Variants in RPGRIP1 observed in about 807,000 individuals in gnomAD.
The protein encoded by RPGRIP1 is X-linked retinitis pigmentosa GTPase regulator-interacting protein 1.
In RPGRIP1, 128 loss-of-function variants were observed where a neutral mutation model predicts 157.9. The observed-to-expected ratio is 0.81, with a 90% confidence interval of 0.70 to 0.94. The LOEUF is 0.94. Ranked by LOEUF, RPGRIP1 falls within the 40% of genes least tolerant of loss-of-function variation. The probability of loss-of-function intolerance (pLI) is 0.00; values close to 1 mark genes in which losing one functional copy is unlikely to be tolerated. For synonymous variants in RPGRIP1, 554 were observed against 571.6 expected (o/e 0.97, Z 0.44); for missense variants, 1,486 against 1,545.8 (o/e 0.96, Z 0.65).
At chr14:21,315,414 G>T (rs1881734389) in intron 10 of RPGRIP1, among the ~76,000 whole-genome samples, 1 of 151,678 alleles carries the variant, frequency 6.6e-6, no homozygotes, top group Admixed American at 6.6e-5. Context: ...GGCTGAGGCA[G>T]GACAATGTCG....
intron 7 of RPGRIP1, among the ~76,000 whole-genome samples, chr14:21,309,653 C>T (rs943326432): frequency 2.6e-5 from 4 of 151,918 alleles, no homozygotes; most frequent in Non-Finnish European, 5.9e-5. Flanking sequence ...CAGGTCTGGT[C>T]ATGAAGGACA....
Position 21,345,237 on chromosome 14 carries a change from G to A in RPGRIP1, c.3617+40G>A, listed in dbSNP as rs754167875. 2.7e-6 allele frequency: 4 copies of A among 1,454,638 alleles called. No homozygotes were observed. In the East Asian group the frequency reaches 6.8e-5, roughly 25 times the overall value. The allele number at this position is 1,454,638 out of a possible 1,614,324, so 90.1% of individuals were successfully genotyped here. A position where few individuals can be genotyped will look rare whatever the true frequency, so the allele number is the denominator to read the frequency against. On this transcript the variant is annotated intron_variant, in intron 23 of 24. Coordinates refer to ENST00000400017, the MANE Select transcript of RPGRIP1 (RefSeq NM_020366.4). ...TCCACTTTGAAACAAAGGAGATATT[G>A]AGACAGAAATTCAAAAGTTTGAGTT...
Position 21,302,774 on chromosome 14 carries a change from G to A in RPGRIP1, c.587+190G>A, listed in dbSNP as rs1175807170. 1.3e-5 allele frequency: 5 copies of A among 370,838 alleles called. No homozygotes were observed. In the Admixed American group the frequency reaches 1.7e-4, roughly 12 times the overall value. The allele number at this position is 370,838 out of a possible 1,614,324, so 23.0% of individuals were successfully genotyped here. A position where few individuals can be genotyped will look rare whatever the true frequency, so the allele number is the denominator to read the frequency against. On this transcript the variant is annotated intron_variant, in intron 5 of 24. Transcript: ENST00000400017. ...AAACAAGCGTCTCTCTGTTCTCTGA[G>A]GAAATGAAAATAAAGGTCCATTTCT...
At position 21,321,350 on chromosome 14, in the gene RPGRIP1, A is replaced by G. The variant is rs1384507929; in HGVS notation, c.1559A>G (p.Glu520Gly). ...CACGCAGAGACCACATTGGAACTAG[A>G]AAAGACCAGGGACATGCTTATTCTG... ...VSHAETTLEL[E>G]KTRDMLILQR... Residue 520 changes from glutamate to glycine, a missense_variant, in exon 13 of 25, where the codon GAA becomes GGA. Physicochemically the swap from Glu to Gly is moderately conservative, Grantham distance 98. Coordinates refer to ENST00000400017, the MANE Select transcript of RPGRIP1 (RefSeq NM_020366.4). 2 of 1,613,934 alleles carry G rather than the reference A, an allele frequency of 1.2e-6. No individual in the cohort carries two copies. Among genetic ancestry groups the G allele is most frequent in the Admixed American group, 1.7e-5 (1 of 60,000 alleles).
chr14:21,294,288 T>G (rs1880666612), intron 2 of RPGRIP1, among the ~76,000 whole-genome samples: 2 of 151,240 alleles, frequency 1.3e-5, no homozygotes, highest in Non-Finnish European at 2.9e-5. Context: ...TGGAGTACAG[T>G]GGCACGATCT....
intron 3 of RPGRIP1, among the ~76,000 whole-genome samples, chr14:21,299,046 G>C (rs998392004): frequency 7.0e-6 from 1 of 143,574 alleles, no homozygotes; most frequent in African/African-American, 2.5e-5. Flanking sequence ...TGGGAGTTTC[G>C]CTCTTGTTGC....
intron 3 of RPGRIP1, among the ~76,000 whole-genome samples, 180 bp downstream of exon 3, chr14:21,294,989 A>G (rs1441423971): frequency 6.6e-6 from 1 of 151,576 alleles, no homozygotes; most frequent in Non-Finnish European, 1.5e-5. Context: ...GATTATAGGC[A>G]TGCGTCACCA....
At chr14:21,309,840 A>AG (rs1168992044) in intron 7 of RPGRIP1, among the ~76,000 whole-genome samples, 1 of 151,710 alleles carries the variant, frequency 6.6e-6, no homozygotes, top group Non-Finnish European at 1.5e-5. Context: ...AATTTAAAAA[A>AG]AAAGTTTGGG....
At chr14:21,349,489 C>T (rs1302993386) in intron 24 of RPGRIP1, among the ~76,000 whole-genome samples, 1 of 149,312 alleles carries the variant, frequency 6.7e-6, no homozygotes, top group Non-Finnish European at 1.5e-5. Context: ...CAACCTCTGC[C>T]TCTTTCTTAA....
Position 21,302,498 on chromosome 14 carries a change from C to T in RPGRIP1, c.501C>T (p.Asp167=). 1.3e-6 allele frequency: 2 copies of T among 1,554,756 alleles called. No individual in the cohort carries two copies. The highest frequency in any genetic ancestry group is 1.7e-6 in the Non-Finnish European group (2 of 1,143,196). The change falls in exon 5 of 25, where the codon GAC becomes GAT. Residue 167 remains aspartate, a synonymous_variant. Coordinates refer to ENST00000400017, the MANE Select transcript of RPGRIP1 (RefSeq NM_020366.4). The part of the protein sequence containing the change: ...VPEKPKRGPR[D]RLSYTAPPSF... ...TGTCTAAACTTTTAGGGCCAAGGGA[C>T]AGGCTGAGCTACACAGCCCCTCCAT...
chr14:21,328,332 T>A (rs140668097), intron 18 of RPGRIP1, 92 bp from the exon 19 acceptor site: 10 of 883,374 alleles, frequency 1.1e-5, no homozygotes, highest in Admixed American at 5.0e-5. Flanking sequence ...AGGAGAGAAA[T>A]GAAGTCTAAC....
At chr14:21,332,461 G>A (rs1384452965) in intron 20 of RPGRIP1, among the ~76,000 whole-genome samples, 2 of 152,092 alleles carry the variant, frequency 1.3e-5, no homozygotes, top group Non-Finnish European at 2.9e-5. Context: ...GGTTATAAGA[G>A]AACAATTCCA....
At chr14:21,340,516 A>G (rs1216481796) in intron 21 of RPGRIP1, among the ~76,000 whole-genome samples, 1 of 152,168 alleles carries the variant, frequency 6.6e-6, no homozygotes, top group Non-Finnish European at 1.5e-5. Context: ...TTAGTCGGGC[A>G]TGGTGGCACA....
intron 1 of RPGRIP1, among the ~76,000 whole-genome samples, chr14:21,280,997 T>G (rs558614300): frequency 4.0e-4 from 61 of 151,802 alleles, no homozygotes; most frequent in African/African-American, 1.4e-3. Flanking sequence ...ATAGAGAGAG[T>G]GGAAAATGGC....
At chr14:21,315,800 A>ATTTTTT (rs1296019158) in intron 10 of RPGRIP1, among the ~76,000 whole-genome samples, 1 of 143,806 alleles carries the variant, frequency 7.0e-6, no homozygotes, top group African/African-American at 2.6e-5. Flanking sequence ...TATTATTATT[A>ATTTTTT]TTATTATTTT....
In RPGRIP1 at chr14:21,316,885, C is replaced by T. The variant is rs11620900; in HGVS notation, c.1152-811C>T. Among the ~76,000 whole-genome samples, 38 of 151,808 alleles carry T rather than the reference C, an allele frequency of 2.5e-4. 1 individual carries two copies. Among genetic ancestry groups the T allele is most frequent in the African/African-American group, 7.5e-4 (31 of 41,394 alleles). The stretch of plus-strand genomic sequence containing the variant: ...CTATAATCCCAACACTTTGGGAGGC[C>T]GAGGCAGGTGGATCACCTGAGGTCA... On this transcript the variant is annotated intron_variant, in intron 10 of 24. Coordinates refer to ENST00000400017, the MANE Select transcript of RPGRIP1 (RefSeq NM_020366.4).
At chr14:21,342,976 C>A in intron 21 of RPGRIP1, 60 bp from the exon 22 acceptor site, 2 of 1,227,176 alleles carry the variant, frequency 1.6e-6, no homozygotes, top group Non-Finnish European at 2.4e-6. Context: ...AATTGGATGG[C>A]GTATAAGCAC....
chr14:21,336,498 G>A (rs1884378519), intron 21 of RPGRIP1, among the ~76,000 whole-genome samples: 1 of 152,204 alleles, frequency 6.6e-6, no homozygotes, highest in African/African-American at 2.4e-5. Context: ...TCTTGCCACT[G>A]CACTCTAGCT....
intron 1 of RPGRIP1, among the ~76,000 whole-genome samples, chr14:21,280,990 G>T (rs1210794258): frequency 3.3e-5 from 5 of 151,626 alleles, no homozygotes; most frequent in South Asian, 2.1e-4. Context: ...TATATATATA[G>T]AGAGAGTGGA....
Sources: gnomAD v4.1 joint callset for allele counts (sites outside exome capture counted in the v4.1 genomes callset) on GRCh38, gnomAD v4.1.1 for gene constraint, MANE v1.5 for transcripts, NCBI Gene and HGNC (gene_info 2026-07-23, HGNC 2026-07-21) for gene names.